Variants in RNF111 observed in about 807,000 individuals in gnomAD.
The protein encoded by RNF111 is ring finger protein 111, also known as E3 ubiquitin-protein ligase Arkadia.
RNF111 carries 17 observed loss-of-function variants against 95.1 expected under a neutral mutation model. The ratio of observed to expected loss-of-function variants is 0.18; its 90% confidence interval spans 0.12 to 0.27. The LOEUF is 0.27. Among genes scored for constraint, RNF111 ranks in the 10% least tolerant of loss-of-function variants. RNF111 has a pLI of 1.00. For missense variants in RNF111, 1,189 were observed against 1,210.4 expected, an observed-to-expected ratio of 0.98 and a Z score of 0.26; for synonymous variants, 440 against 414.8, an observed-to-expected ratio of 1.06 and a Z score of -0.74.
At chr15:59,092,019 G>A (rs1010134957) in intron 12 of RNF111, among the ~76,000 whole-genome samples, 25 of 152,180 alleles carry the variant, frequency 1.6e-4, no homozygotes, top group African/African-American at 5.3e-4. Context: ...CAGCCCAGGG[G>A]TTGGAGACTC....
intron 10 of RNF111, among the ~76,000 whole-genome samples, chr15:59,089,457 A>G (rs1346893052): frequency 3.3e-5 from 5 of 152,190 alleles, no homozygotes; most frequent in African/African-American, 1.2e-4. Flanking sequence ...CCTCAGGCTT[A>G]AGTTTGGGCA....
chr15:59,082,248 T>C lies in RNF111; in HGVS notation c.2297+964T>C, dbSNP rs146018320. Among the ~76,000 whole-genome samples, 73 of 152,364 alleles carry C rather than the reference T, an allele frequency of 4.8e-4. No homozygotes were observed. The East Asian group carries it at 0.013, about 27-fold the overall frequency. ...ACCAGTTTTACCATATGACCCAGGC[T>C]AATTTCTTTATGCAAACCAATTAAA... On this transcript the variant is annotated intron_variant, in intron 8 of 13. Transcript: ENST00000348370.
At chr15:59,043,184 T>G (rs570004843) in intron 2 of RNF111, among the ~76,000 whole-genome samples, 13 of 151,812 alleles carry the variant, frequency 8.6e-5, no homozygotes, top group African/African-American at 3.1e-4. Context: ...AGACAGGGTC[T>G]CATTTTGTTG....
rs189254064 is a variant in RNF111 at position 59,035,740 on chromosome 15, C to T, written c.880+4038C>T. On this transcript the variant is annotated intron_variant, in intron 2 of 13. Coordinates refer to ENST00000348370, the MANE Select transcript of RNF111 (RefSeq NM_017610.8). ...AAATGCTGCCAGTCTCTTTGCATAG[C>T]AAGAGTGGCCCATTTACTCCAGTTC... Among the ~76,000 whole-genome samples, 8 of 152,306 alleles carry T rather than the reference C, an allele frequency of 5.3e-5. No individual in the cohort carries two copies. In the East Asian group the frequency reaches 1.5e-3, roughly 29 times the overall value.
At chr15:59,082,698 C>T (rs79990266) in intron 8 of RNF111, among the ~76,000 whole-genome samples, 5,410 of 152,168 alleles carry the variant, frequency 0.036, 166 homozygotes, top group African/African-American at 0.084. Context: ...AGAGAACATA[C>T]GGCCTGTAGA....
chr15:59,074,112 C>A (rs755199009), intron 6 of RNF111, among the ~76,000 whole-genome samples: 2 of 152,076 alleles, frequency 1.3e-5, no homozygotes, highest in Non-Finnish European at 2.9e-5. Flanking sequence ...ATTCAGTAAA[C>A]CACGTAAATA....
chr15:59,076,138 G>T lies in RNF111; in HGVS notation c.1871G>T (p.Ser624Ile). The T allele has an allele frequency of 1.2e-6, 2 of 1,614,062 alleles. No individual in the cohort carries two copies. The highest frequency in any genetic ancestry group is 1.7e-6 in the Non-Finnish European group (2 of 1,180,048). The change falls in exon 7 of 14, where the codon AGC becomes ATC. Residue 624 changes from serine (S) to isoleucine (I), a missense_variant. Ser to Ile is a moderately radical substitution (Grantham distance 142). Transcript: ENST00000348370. Reference sequence around the variant, plus strand: ...TCATCAATAGATGGCTATGGATCAAGCATGGTTGCGCAGCCCCAGCCCCAG... The same window carrying T: ...TCATCAATAGATGGCTATGGATCAATCATGGTTGCGCAGCCCCAGCCCCAG... ...PLSSIDGYGS[S>I]MVAQPQPQPP...
In RNF111 at chr15:59,097,325, A is replaced by C. The variant is rs1288201546; in HGVS notation, c.*2425A>C. The C allele has an allele frequency of 6.6e-6, 1 of 152,244 alleles. No individual in the cohort carries two copies. Among genetic ancestry groups the C allele is most frequent in the Non-Finnish European group, 1.5e-5 (1 of 68,044 alleles). The allele number at this position is 152,244 out of a possible 1,614,324, so 9.4% of individuals were successfully genotyped here. A position where few individuals can be genotyped will look rare whatever the true frequency, so the allele number is the denominator to read the frequency against. On this transcript the variant is annotated 3_prime_UTR_variant, in exon 14 of 14. Coordinates refer to ENST00000348370, the MANE Select transcript of RNF111 (RefSeq NM_017610.8). ...TGCAAGTGATAAACTGATAATTTGA[A>C]ACATTTTTCTTACTCTGGTGACTTT...
In RNF111 at chr15:59,085,643, C is replaced by T; in HGVS notation, c.2424-16C>T. On this transcript the variant is annotated splice_polypyrimidine_tract_variant and intron_variant, in intron 9 of 13. Coordinates refer to ENST00000348370, the MANE Select transcript of RNF111 (RefSeq NM_017610.8). ...AGACCCTAAGGAGGATTAAACTGTT[C>T]TCATCCTTTCGTTAGGGAACTGGGA... is the stretch of plus-strand genomic sequence containing the variant. 2 of 1,611,670 alleles carry T rather than the reference C, an allele frequency of 1.2e-6. No individual in the cohort carries two copies. Among genetic ancestry groups the T allele is most frequent in the Non-Finnish European group, 1.7e-6 (2 of 1,178,696 alleles).
chr15:59,023,073 C>G (rs1161739278), intron 1 of RNF111, among the ~76,000 whole-genome samples: 1 of 152,126 alleles, frequency 6.6e-6, no homozygotes, highest in Non-Finnish European at 1.5e-5. Flanking sequence ...GTGGTGAAAC[C>G]CTGTCTCTAC....
Position 59,031,268 on chromosome 15 carries a change from A to G in RNF111, c.446A>G (p.Asp149Gly), listed in dbSNP as rs1346009191. The part of the protein sequence containing the change: ...SSPSSSLHFG[D>G]SDTVTSDEDK... ...CCTTCATCTAGTCTGCATTTTGGAG[A>G]TTCTGATACTGTGACTTCAGATGAG... Residue 149 changes from aspartate (D) to glycine (G), a missense_variant, in exon 2 of 14, where the codon GAT (aspartate) becomes GGT (glycine). Around this residue, in one of 2 missense-constraint regions of RNF111, gnomAD observed 1,024 missense variants for 925.9 expected, o/e 1.11. Transcript: ENST00000348370. The G allele has an allele frequency of 6.2e-7, 1 of 1,614,072 alleles. No individual in the cohort carries two copies. The highest frequency in any genetic ancestry group is 1.3e-5 in the African/African-American group (1 of 75,032).
At chr15:59,042,077 TTTC>T (rs1482033923) in intron 2 of RNF111, among the ~76,000 whole-genome samples, 1 of 151,986 alleles carries the variant, frequency 6.6e-6, no homozygotes, top group Non-Finnish European at 1.5e-5. Context: ...TACACACATT[TTTC>T]ACAAATTAAT....
At chr15:59,067,256 A>AC (rs1306116076) in intron 6 of RNF111, among the ~76,000 whole-genome samples, 173 bp downstream of exon 6, 6 of 129,440 alleles carry the variant, frequency 4.6e-5, no homozygotes, top group Non-Finnish European at 8.2e-5. Flanking sequence ...TTTTTTTTTA[A>AC]CTCCCTCCCA....
At position 59,007,619 on chromosome 15, in the gene RNF111, C is replaced by T. The variant is rs1303363492; in HGVS notation, c.-20+19551C>T. Among the ~76,000 whole-genome samples, 7 of 151,918 alleles carry T rather than the reference C, an allele frequency of 4.6e-5. No homozygotes were observed. The East Asian group carries it at 1.3e-3, about 29-fold the overall frequency. On this transcript the variant is annotated intron_variant, in intron 1 of 13. Transcript: ENST00000348370. ...TGTGCATAACTAACATTATTAGAAG[C>T]TGCCAGAGAGTCATGTGTGGAGTTC...
At chr15:58,998,938 C>A (rs1393971755) in intron 1 of RNF111, among the ~76,000 whole-genome samples, 1 of 152,148 alleles carries the variant, frequency 6.6e-6, no homozygotes, top group Non-Finnish European at 1.5e-5. Context: ...GGTGAAAGAT[C>A]TATGTAAAGT....
intron 2 of RNF111, among the ~76,000 whole-genome samples, chr15:59,035,245 T>C (rs1378579177): frequency 6.6e-6 from 1 of 152,154 alleles, no homozygotes; most frequent in East Asian, 1.9e-4. Context: ...GAGATTTGGG[T>C]AGGGATACAG....
chr15:59,038,433 T>C (rs1286340731), intron 2 of RNF111, among the ~76,000 whole-genome samples: 3 of 152,238 alleles, frequency 2.0e-5, no homozygotes, highest in Non-Finnish European at 4.4e-5. Context: ...TCAGGAATTA[T>C]ATCTAATGCT....
chr15:59,064,880 T>C (rs1396426935), intron 5 of RNF111, among the ~76,000 whole-genome samples: 1 of 152,084 alleles, frequency 6.6e-6, no homozygotes, highest in East Asian at 1.9e-4. Flanking sequence ...AGGAGAATTT[T>C]AGGGAAATTT....
At position 59,081,109 on chromosome 15, in the gene RNF111, C is replaced by G; in HGVS notation, c.2122C>G (p.Pro708Ala). Residue 708 changes from proline to alanine, a missense_variant, in exon 8 of 14, where the codon CCA becomes GCA. Around this residue, in one of 2 missense-constraint regions of RNF111, gnomAD observed 1,024 missense variants for 925.9 expected, o/e 1.11. Transcript: ENST00000348370. ...SHATSHPVAP[P>A]PPTHLASTAA... The stretch of plus-strand genomic sequence containing the variant: ...TGCAACATCTCATCCTGTGGCACCC[C>G]CACCACCAACTCACTTAGCCAGTAC... 1 of 1,614,092 alleles carries G rather than the reference C, an allele frequency of 6.2e-7. No homozygotes were observed. Among genetic ancestry groups the G allele is most frequent in the Non-Finnish European group, 8.5e-7 (1 of 1,180,014 alleles).
Sources: gnomAD v4.1 joint callset for allele counts (sites outside exome capture counted in the v4.1 genomes callset) on GRCh38, gnomAD v4.1.1 for gene constraint, gnomAD v4.1.1 regional missense constraint, MANE v1.5 for transcripts, NCBI Gene and HGNC (gene_info 2026-07-23, HGNC 2026-07-21) for gene names.